INTS6: variants seen among roughly 807,000 people sequenced by gnomAD.
The protein encoded by INTS6 is integrator complex subunit 6, also known as DEAD box protein.
INTS6 carries 16 observed loss-of-function variants against 104.9 expected under a neutral mutation model. The ratio of observed to expected loss-of-function variants is 0.15; its 90% CI spans 0.10 to 0.23. The LOEUF (loss-of-function observed/expected upper bound fraction) is 0.23. INTS6 is among the 10% of genes least tolerant of loss of function. The pLI is 1.00. For missense variants in INTS6, 584 were observed against 1,062.8 expected, an observed-to-expected ratio of 0.55 and a Z score of 6.26; for synonymous variants, 324 against 358.7, an observed-to-expected ratio of 0.90 and a Z score of 1.09.
chr13:51,371,117 C>G (rs142596371), intron 15 of INTS6, among the ~76,000 whole-genome samples: 16 of 152,344 alleles, frequency 1.1e-4, no homozygotes, highest in African/African-American at 3.8e-4. Context: ...GCTCATCTGC[C>G]TCAGACTGAA....
intron 10 of INTS6, among the ~76,000 whole-genome samples, chr13:51,380,269 G>T (rs903509877): frequency 2.6e-5 from 4 of 152,082 alleles, no homozygotes; most frequent in African/African-American, 9.7e-5. Context: ...ACTTTCAATT[G>T]TAAGGAGAGA....
the INTS6 span, chr13:51,347,244 GCCC>G: frequency 6.2e-7 from 1 of 1,611,844 alleles, no homozygotes. Context: ...GGTGAGCTCT[GCCC>G]CTGCTGGTTT....
At chr13:51,369,987 C>A (rs1199578366) in intron 15 of INTS6, among the ~76,000 whole-genome samples, 2 of 152,130 alleles carry the variant, frequency 1.3e-5, no homozygotes, top group Non-Finnish European at 2.9e-5. Context: ...ATTTTAAGTT[C>A]TCTGATTGCT....
intron 6 of INTS6, among the ~76,000 whole-genome samples, chr13:51,387,768 A>G (rs1956166659): frequency 6.6e-6 from 1 of 152,176 alleles, no homozygotes; most frequent in Non-Finnish European, 1.5e-5. Flanking sequence ...TCGCCAGTTC[A>G]AAGGAGGTCC....
At chr13:51,450,744 T>G (rs1953024132) in intron 3 of INTS6, 1 of 1,052,232 alleles carries the variant, frequency 9.5e-7, no homozygotes, top group Non-Finnish European at 1.1e-6. Flanking sequence ...TCCTTTTAGG[T>G]CTTTACTGAA....
At chr13:51,422,496 T>A (rs1956913102) in intron 4 of INTS6, among the ~76,000 whole-genome samples, 1 of 152,166 alleles carries the variant, frequency 6.6e-6, no homozygotes, top group Admixed American at 6.6e-5. Context: ...AAATCATCTT[T>A]GAAAACCTGC....
intron 3 of INTS6, chr13:51,443,267 A>T (rs977458183): frequency 7.2e-5 from 11 of 152,162 alleles, no homozygotes; most frequent in Non-Finnish European, 2.9e-5. Context: ...AACTTCTAAA[A>T]TCACTTCCAT....
intron 3 of INTS6, chr13:51,450,817 G>A (rs1323031787): frequency 6.7e-6 from 8 of 1,189,644 alleles, no homozygotes; most frequent in Non-Finnish European, 7.3e-6. Flanking sequence ...TTCTAATCCT[G>A]AATACCAATG....
the INTS6 span, chr13:51,347,287 G>A: frequency 6.6e-7 from 1 of 1,517,258 alleles, no homozygotes; most frequent in African/African-American, 1.4e-5. Context: ...CTGGGCCTGA[G>A]GGCAGGAGAG....
intron 3 of INTS6, chr13:51,446,007 A>G (rs1174021618): frequency 1.3e-5 from 2 of 152,246 alleles, no homozygotes; most frequent in Non-Finnish European, 2.9e-5. Context: ...CTTCAGTGAC[A>G]TTGGATTTAG....
At chr13:51,437,900 T>C (rs888868329) in intron 3 of INTS6, 1 of 152,168 alleles carries the variant, frequency 6.6e-6, no homozygotes, top group Middle Eastern at 3.2e-3. Flanking sequence ...TCCCAGCTAC[T>C]GGGAAGGCTG....
At chr13:51,405,438 C>T (rs1036341068) in intron 4 of INTS6, among the ~76,000 whole-genome samples, 2 of 152,154 alleles carry the variant, frequency 1.3e-5, no homozygotes, top group Non-Finnish European at 2.9e-5. Context: ...AAATTTTCTT[C>T]GTTCCCCAGT....
chr13:51,340,973 GC>G, the INTS6 span: 1 of 1,183,490 alleles, frequency 8.4e-7, no homozygotes, highest in East Asian at 2.4e-5. Flanking sequence ...GCCGTCCCTA[GC>G]CCCTAAAAAC....
the INTS6 span, chr13:51,335,688 C>T: frequency 1.3e-5 from 2 of 152,298 alleles, no homozygotes; most frequent in South Asian, 4.1e-4. Context: ...TTAAAGGCGA[C>T]CTGGATGTTC....
intron 4 of INTS6, among the ~76,000 whole-genome samples, chr13:51,404,509 G>A (rs1956520858): frequency 6.6e-6 from 1 of 152,006 alleles, no homozygotes; most frequent in Admixed American, 6.6e-5. Context: ...AAGCCTACCT[G>A]ACACCTTGAA....
chr13:51,418,805 GTCTT>G (rs765168904), intron 4 of INTS6, among the ~76,000 whole-genome samples: 155 of 152,240 alleles, frequency 1.0e-3, no homozygotes, highest in Non-Finnish European at 1.3e-3. Context: ...CAAAGGTAAA[GTCTT>G]TCTAATTTTT....
In INTS6 at chr13:51,449,519, A is replaced by G. The variant is rs746141750; in HGVS notation, c.339+1506T>C. ...ATTTTTAATAGGTAATAGGAGGTGA[A>G]TATGTCCAAATGCCTTGACCACTTA... On this transcript the variant is annotated intron_variant, in intron 3 of 17. Transcript: ENST00000311234. 832 of 985,168 alleles carry G rather than the reference A, an allele frequency of 8.4e-4. 1 individual carries two copies. The highest frequency in any genetic ancestry group is 9.6e-4 in the Non-Finnish European group (799 of 829,756). 61.0% of individuals were successfully genotyped at this position (985,168 alleles called of 1,614,324 possible).
intron 3 of INTS6, chr13:51,447,722 C>T (rs1051297047): frequency 2.8e-5 from 2 of 71,708 alleles, no homozygotes; most frequent in African/African-American, 1.1e-4. Flanking sequence ...TCTTAACTAA[C>T]ATAATTTACT....
Position 51,383,488 on chromosome 13 carries a change from T to C in INTS6, c.1048-27A>G, listed in dbSNP as rs762790719. 4.4e-6 allele frequency: 7 copies of C among 1,607,498 alleles called. No individual in the cohort carries two copies. The South Asian group carries it at 4.5e-5, about 10-fold the overall frequency. ...TGTTAAAAAGGAGCGGTTAAAACTT[T>C]AATAACCTTTAAAGAATGTTACATA... is the stretch of plus-strand genomic sequence containing the variant. On this transcript the variant is annotated intron_variant, in intron 8 of 17. Coordinates refer to ENST00000311234, the MANE Select transcript of INTS6 (RefSeq NM_012141.3).
Sources: allele counts gnomAD v4.1 joint callset (sites outside exome capture counted in the v4.1 genomes callset), GRCh38; gene constraint gnomAD v4.1.1; transcripts MANE v1.5; gene names NCBI Gene and HGNC (gene_info 2026-07-23, HGNC 2026-07-21).